SPECC1: variants seen among roughly 807,000 people sequenced by gnomAD.
The protein encoded by SPECC1 is cytospin-B.
Under a neutral mutation model 104.1 loss-of-function variants are expected in SPECC1, and 62 were observed. That is an observed-to-expected ratio of 0.60 (90% confidence interval 0.49 to 0.74). The LOEUF (loss-of-function observed/expected upper bound fraction) is 0.74, where lower values mean the gene tolerates loss of function less well. Ranked by LOEUF, SPECC1 falls within the 30% of genes least tolerant of loss-of-function variation. The probability of loss-of-function intolerance (pLI) is 0.00; values close to 1 mark genes in which losing one functional copy is unlikely to be tolerated. For missense variants in SPECC1, 1,306 were observed against 1,310.5 expected (o/e 1.00, Z 0.05); for synonymous variants, 513 against 501.6 (o/e 1.02, Z -0.30).
rs555812160 is a variant in SPECC1 at position 20,202,520 on chromosome 17, A to G, written c.284-1813A>G. Among the ~76,000 whole-genome samples, 11 of 152,298 alleles carry G rather than the reference A, an allele frequency of 7.2e-5. No homozygotes were observed. In the East Asian group the frequency reaches 1.7e-3, roughly 24 times the overall value. On this transcript the variant is annotated intron_variant, in intron 3 of 14. Transcript: ENST00000395527. ...GCCTGTCGCTTCAGACAGATGATTC[A>G]TTTTGCAAACAGACCATGTAAACTT...
At chr17:20,087,193 TGTAAA>T (rs1285306426) in intron 1 of SPECC1, 2 of 152,364 alleles carry the variant, frequency 1.3e-5, no homozygotes, top group East Asian at 1.9e-4. Context: ...ACCATAGAAA[TGTAAA>T]GTATTGTTTA....
At chr17:20,066,902 G>A (rs2046375724) in intron 1 of SPECC1, among the ~76,000 whole-genome samples, 1 of 145,368 alleles carries the variant, frequency 6.9e-6, no homozygotes, top group South Asian at 2.2e-4. Context: ...ACCACACCTG[G>A]CTAATCAAAT....
intron 1 of SPECC1, among the ~76,000 whole-genome samples, chr17:20,021,702 A>ATATTTTTTTTT (rs1402960712): frequency 7.2e-6 from 1 of 139,280 alleles, no homozygotes; most frequent in African/African-American, 2.7e-5. Context: ...ATATATATAT[A>ATATTTTTTTTT]TTTTTTTGTA....
At position 20,204,361 on chromosome 17, in the gene SPECC1, C is replaced by T; in HGVS notation, c.312C>T (p.Gly104=). The part of the protein sequence containing the change: ...TGAFTTTKRT[G]IPAPREFSVT... The stretch of plus-strand genomic sequence containing the variant: ...CCTTTACAACAACTAAACGGACAGG[C>T]ATTCCAGCCCCACGGGAATTTTCAG... Residue 104 remains glycine (G), a synonymous_variant, in exon 4 of 15, where the codon GGC becomes GGT. Coordinates refer to ENST00000395527, the MANE Select transcript of SPECC1 (RefSeq NM_001243439.2). 3 of 1,613,042 alleles carry T rather than the reference C, an allele frequency of 1.9e-6. No individual in the cohort carries two copies. The highest frequency in any genetic ancestry group is 1.1e-5 in the South Asian group (1 of 90,768).
chr17:20,139,952 G>A (rs2030560991), intron 3 of SPECC1, among the ~76,000 whole-genome samples: 1 of 152,170 alleles, frequency 6.6e-6, no homozygotes. Context: ...GGGATTACAG[G>A]TGTGAGCCAC....
chr17:20,276,909 G>A (rs759251923), intron 12 of SPECC1, among the ~76,000 whole-genome samples: 1 of 152,218 alleles, frequency 6.6e-6, no homozygotes, highest in Non-Finnish European at 1.5e-5. Flanking sequence ...TGCTTTCTGG[G>A]GTAGAATGGA....
chr17:20,027,615 T>TAGGGGTCTA (rs1273663743), intron 1 of SPECC1, among the ~76,000 whole-genome samples: 3 of 152,176 alleles, frequency 2.0e-5, no homozygotes, highest in Admixed American at 2.0e-4. Flanking sequence ...TGGTGAGAGA[T>TAGGGGTCTA]AGGGGTCTAG....
intron 7 of SPECC1, among the ~76,000 whole-genome samples, chr17:20,244,936 G>C (rs2039357272): frequency 6.6e-6 from 1 of 152,184 alleles, no homozygotes; most frequent in Admixed American, 6.5e-5. Flanking sequence ...CATGCATTGA[G>C]AGGATTGAGG....
intron 3 of SPECC1, among the ~76,000 whole-genome samples, chr17:20,191,605 G>C (rs964789086): frequency 6.6e-6 from 1 of 150,752 alleles, no homozygotes; most frequent in Admixed American, 6.6e-5. Flanking sequence ...TCATCAACCT[G>C]TCATCTACAT....
rs951593774 is a variant in SPECC1, at chr17:20,091,505, A to G, written c.-21-5126A>G. 9.9e-5 allele frequency among the ~76,000 whole-genome samples: 15 copies of G among 152,140 alleles called. 1 individual carries two copies. The highest frequency in any genetic ancestry group is 6.5e-5 in the Admixed American group (1 of 15,278). On this transcript the variant is annotated intron_variant, in intron 1 of 14. Transcript: ENST00000395527. Reference sequence around the variant, plus strand: ...CTTTGGGTTACCGATGTCTAGCAGCATCTCTGGGCTCTGTCCAGTAGCACC... The same window carrying G: ...CTTTGGGTTACCGATGTCTAGCAGCGTCTCTGGGCTCTGTCCAGTAGCACC...
intron 3 of SPECC1, among the ~76,000 whole-genome samples, chr17:20,158,472 G>A (rs943186649): frequency 1.3e-5 from 2 of 152,218 alleles, no homozygotes; most frequent in African/African-American, 4.8e-5. Context: ...GGAAGCGGGA[G>A]GCAGCAGGTT....
At chr17:20,243,946 G>A (rs1455827603) in intron 7 of SPECC1, among the ~76,000 whole-genome samples, 1 of 152,172 alleles carries the variant, frequency 6.6e-6, no homozygotes, top group Admixed American at 6.5e-5. Context: ...GCCAGGCGCA[G>A]TGGCTCATGC....
At chr17:20,313,744 G>T (rs557537120) in intron 14 of SPECC1, among the ~76,000 whole-genome samples, 1 of 152,222 alleles carries the variant, frequency 6.6e-6, no homozygotes, top group Non-Finnish European at 1.5e-5. Context: ...GATAAAAGCA[G>T]TGGGAGGTCA....
At chr17:20,295,177 C>A (rs953628885) in intron 12 of SPECC1, among the ~76,000 whole-genome samples, 3 of 119,804 alleles carry the variant, frequency 2.5e-5, no homozygotes, top group African/African-American at 9.4e-5. Flanking sequence ...CCCCTCCCCC[C>A]ACCCCATGAC....
intron 1 of SPECC1, among the ~76,000 whole-genome samples, chr17:20,059,857 G>A (rs1291475289): frequency 2.0e-5 from 3 of 152,168 alleles, no homozygotes; most frequent in Non-Finnish European, 4.4e-5. Flanking sequence ...GCAAGGGCCT[G>A]TCTCTAAAAA....
chr17:20,183,260 C>G (rs1405618010), intron 3 of SPECC1, among the ~76,000 whole-genome samples: 2 of 152,112 alleles, frequency 1.3e-5, no homozygotes, highest in Non-Finnish European at 2.9e-5. Flanking sequence ...TATGTCTACC[C>G]CTGTGGTGTG....
chr17:20,022,379 C>A (rs2044428143), intron 1 of SPECC1, among the ~76,000 whole-genome samples: 1 of 152,172 alleles, frequency 6.6e-6, no homozygotes, highest in African/African-American at 2.4e-5. Flanking sequence ...CAACTGGAAT[C>A]CAATATAGAC....
intron 1 of SPECC1, among the ~76,000 whole-genome samples, chr17:20,029,639 T>C (rs2044731133): frequency 6.6e-6 from 1 of 152,238 alleles, no homozygotes; most frequent in South Asian, 2.1e-4. Context: ...TCTTCTTGAG[T>C]AAATTTTGGT....
intron 2 of SPECC1, among the ~76,000 whole-genome samples, chr17:20,104,772 A>G (rs1194570794): frequency 6.6e-6 from 1 of 150,546 alleles, no homozygotes; most frequent in Non-Finnish European, 1.5e-5. Flanking sequence ...AAAAAGAAAA[A>G]AAAATTCTCT....
Sources: gnomAD v4.1 joint callset for allele counts (sites outside exome capture counted in the v4.1 genomes callset) on GRCh38, gnomAD v4.1.1 for gene constraint, MANE v1.5 for transcripts, NCBI Gene and HGNC (gene_info 2026-07-23, HGNC 2026-07-21) for gene names.